The following CHRM3 variants were observed in gnomAD, a reference collection of about 807,000 sequenced individuals.
CHRM3 encodes the protein muscarinic acetylcholine receptor M3.
A neutral mutation model predicts 41.8 loss-of-function variants in CHRM3; 11 were observed. The observed-to-expected ratio is 0.26, with a 90% confidence interval of 0.17 to 0.44. CHRM3 has a LOEUF of 0.44. Among genes scored for constraint, CHRM3 ranks in the 20% least tolerant of loss-of-function variants. The pLI is 1.00. For synonymous variants in CHRM3, 297 were observed against 301.4 expected (o/e 0.99, Z 0.15); for missense variants, 571 against 745.4 (o/e 0.77, Z 2.72).
At chr1:239,408,018 C>G (rs1660745724) in intron 1 of CHRM3, among the ~76,000 whole-genome samples, 1 of 152,126 alleles carries the variant, frequency 6.6e-6, no homozygotes. Context: ...TGTCTCCACT[C>G]AAATCTCATC....
At chr1:239,625,059 G>T (rs1668885450) in intron 3 of CHRM3, among the ~76,000 whole-genome samples, 1 of 58,050 alleles carries the variant, frequency 1.7e-5, no homozygotes, top group African/African-American at 9.7e-5. Flanking sequence ...AGCTTGATGG[G>T]GATGGCATTG....
At chr1:239,829,102 C>A (rs1283922449) in intron 6 of CHRM3, among the ~76,000 whole-genome samples, 1 of 152,144 alleles carries the variant, frequency 6.6e-6, no homozygotes, top group Admixed American at 6.5e-5. Context: ...GTTTTAATTT[C>A]TTTCCATCTC....
chr1:239,565,600 A>T (rs571226158), intron 3 of CHRM3, among the ~76,000 whole-genome samples: 1 of 152,246 alleles, frequency 6.6e-6, no homozygotes, highest in Admixed American at 6.5e-5. Flanking sequence ...ATTTTTTAAG[A>T]TTTATTGACA....
chr1:239,650,489 A>G (rs959794196), intron 4 of CHRM3, among the ~76,000 whole-genome samples: 1 of 152,202 alleles, frequency 6.6e-6, no homozygotes, highest in Admixed American at 6.5e-5. Context: ...GAGCATGAGG[A>G]ATGGCTTCAC....
intron 4 of CHRM3, among the ~76,000 whole-genome samples, chr1:239,654,516 A>T (rs1672535102): frequency 6.6e-6 from 1 of 152,176 alleles, no homozygotes. Context: ...CTTCTGCCTC[A>T]GCCTCCCGAG....
chr1:239,593,386 G>A (rs1318145075), intron 3 of CHRM3, among the ~76,000 whole-genome samples: 1 of 151,856 alleles, frequency 6.6e-6, no homozygotes, highest in Non-Finnish European at 1.5e-5. Context: ...CTGAGGCCCT[G>A]ATTTCTTCTT....
At chr1:239,560,874 C>T (rs994757842) in intron 3 of CHRM3, among the ~76,000 whole-genome samples, 1 of 152,008 alleles carries the variant, frequency 6.6e-6, no homozygotes. Context: ...TAGGTTTTCC[C>T]ACACCTCCCC....
chr1:239,697,769 T>A (rs1034952194), intron 5 of CHRM3, among the ~76,000 whole-genome samples: 3 of 152,158 alleles, frequency 2.0e-5, no homozygotes, highest in African/African-American at 4.8e-5. Context: ...GTTACAGTGG[T>A]TTCCCCATTG....
At chr1:239,665,330 C>T (rs1573199633) in intron 4 of CHRM3, among the ~76,000 whole-genome samples, 1 of 152,252 alleles carries the variant, frequency 6.6e-6, no homozygotes, top group African/African-American at 2.4e-5. Flanking sequence ...ATCGTCTGCA[C>T]TTCCACCTTG....
intron 3 of CHRM3, among the ~76,000 whole-genome samples, chr1:239,611,638 C>G (rs1306986702): frequency 6.6e-6 from 1 of 151,976 alleles, no homozygotes; most frequent in African/African-American, 2.4e-5. Flanking sequence ...CCAGGATGGT[C>G]TTGATCTCCT....
In CHRM3 at chr1:239,748,439, A is replaced by G. The variant is rs1052623452; in HGVS notation, c.-147+70151A>G. Reference sequence around the variant, plus strand: ...ACATTTCCTGAGCCATTATTCTGGAAAAGGATAAATCCTAATACCCATCTG... The same window carrying G: ...ACATTTCCTGAGCCATTATTCTGGAGAAGGATAAATCCTAATACCCATCTG... On this transcript the variant is annotated intron_variant, in intron 5 of 6. Transcript: ENST00000676153. This position sits in a 1 kb window ranked among gnomAD's most constrained non-coding sequence, Gnocchi z 4.3. Among the ~76,000 whole-genome samples the G allele has an allele frequency of 6.6e-6, 1 of 152,184 alleles. No homozygotes were observed. Among genetic ancestry groups the G allele is most frequent in the African/African-American group, 2.4e-5 (1 of 41,434 alleles).
In CHRM3 at chr1:239,911,065, T is replaced by C. The variant is rs1048425798; in HGVS notation, c.*1841T>C. 3 of 167,072 alleles carry C rather than the reference T, an allele frequency of 1.8e-5. No homozygotes were observed. Among genetic ancestry groups the C allele is most frequent in the Non-Finnish European group, 4.4e-5 (3 of 68,118 alleles). The allele number at this position is 167,072 out of a possible 1,614,324, so 10.3% of individuals were successfully genotyped here. On this transcript the variant is annotated 3_prime_UTR_variant, in exon 7 of 7. Coordinates refer to ENST00000676153, the MANE Select transcript of CHRM3 (RefSeq NM_001375978.1). The stretch of plus-strand genomic sequence containing the variant: ...GTCCACTTGAGCAATGAATAGAGTA[T>C]ATTGGAGCTTTCCTGTGGCTAAGAA...
At chr1:239,410,681 T>A (rs1275777247) in intron 1 of CHRM3, among the ~76,000 whole-genome samples, 4 of 152,178 alleles carry the variant, frequency 2.6e-5, no homozygotes, top group Non-Finnish European at 5.9e-5. Context: ...GCAGTGTCCC[T>A]TCTACACCCC....
intron 3 of CHRM3, among the ~76,000 whole-genome samples, chr1:239,604,854 G>A (rs1666045640): frequency 6.6e-6 from 1 of 152,154 alleles, no homozygotes. Context: ...TTTGAAGATT[G>A]TTCACTCTAT....
intron 1 of CHRM3, among the ~76,000 whole-genome samples, chr1:239,397,957 C>T (rs537065591): frequency 1.3e-5 from 2 of 151,740 alleles, no homozygotes; most frequent in African/African-American, 2.4e-5. Context: ...CATCAATATT[C>T]CCTTTGAAAT....
At chr1:239,801,990 A>G (rs1288238184) in intron 5 of CHRM3, among the ~76,000 whole-genome samples, 1 of 152,216 alleles carries the variant, frequency 6.6e-6, no homozygotes, top group Non-Finnish European at 1.5e-5. Context: ...AGGATTAGCG[A>G]CAGTCCCAGT....
chr1:239,906,765 A>G (rs1679997119), intron 6 of CHRM3, among the ~76,000 whole-genome samples: 1 of 152,172 alleles, frequency 6.6e-6, no homozygotes, highest in African/African-American at 2.4e-5. Flanking sequence ...GTCCATTCAA[A>G]ACGTTCTGCT....
chr1:239,591,662 A>C (rs919629094), intron 3 of CHRM3, among the ~76,000 whole-genome samples: 1 of 152,144 alleles, frequency 6.6e-6, no homozygotes, highest in Non-Finnish European at 1.5e-5. Flanking sequence ...ATGGCATTTT[A>C]ATAGCCACTG....
chr1:239,651,695 G>A (rs1672251920), intron 4 of CHRM3, among the ~76,000 whole-genome samples: 1 of 152,156 alleles, frequency 6.6e-6, no homozygotes, highest in Non-Finnish European at 1.5e-5. Flanking sequence ...TCACCTAGAA[G>A]CTTGTTGGAA....
Sources: gnomAD v4.1 joint callset for allele counts (sites outside exome capture counted in the v4.1 genomes callset) on GRCh38, gnomAD v4.1.1 for gene constraint, Gnocchi (gnomAD v3.1) non-coding constraint, MANE v1.5 for transcripts, NCBI Gene and HGNC (gene_info 2026-07-23, HGNC 2026-07-21) for gene names.